STXBP5L: variants seen among roughly 807,000 people sequenced by gnomAD.
STXBP5L encodes syntaxin-binding protein 5-like.
STXBP5L carries 65 observed loss-of-function variants against 144.5 expected under a neutral mutation model. That is an observed-to-expected ratio of 0.45 (90% CI 0.37 to 0.55). The LOEUF (loss-of-function observed/expected upper bound fraction) is 0.55. STXBP5L is among the 20% of genes least tolerant of loss of function. STXBP5L has a pLI of 0.00. For missense variants in STXBP5L, 1,298 were observed against 1,405.5 expected, an observed-to-expected ratio of 0.92 and a Z score of 1.22; for synonymous variants, 505 against 469.6, an observed-to-expected ratio of 1.08 and a Z score of -0.97.
At chr3:121,157,437 G>T in intron 8 of STXBP5L, 67 bp from the exon 9 acceptor site, 1 of 1,426,790 alleles carries the variant, frequency 7.0e-7, no homozygotes, top group South Asian at 1.5e-5. Flanking sequence ...TTTTTCTTTG[G>T]AATATAGAAT....
intron 22 of STXBP5L, among the ~76,000 whole-genome samples, chr3:121,398,965 G>A (rs1043551204): frequency 6.6e-6 from 1 of 152,060 alleles, no homozygotes; most frequent in African/African-American, 2.4e-5. Context: ...AGACACTGGG[G>A]CAACTACTTT....
At chr3:121,196,012 A>G (rs879566696) in intron 9 of STXBP5L, among the ~76,000 whole-genome samples, 2 of 152,002 alleles carry the variant, frequency 1.3e-5, no homozygotes, top group Non-Finnish European at 2.9e-5. Context: ...CTTGTTCAAT[A>G]GTACTTTGGC....
chr3:121,157,742 G>T (rs1301959965), intron 9 of STXBP5L, 115 bp downstream of exon 9: 2 of 1,376,000 alleles, frequency 1.5e-6, no homozygotes, highest in Admixed American at 2.8e-5. Context: ...ATAGCTTCTG[G>T]TTCTAAACAT....
intron 20 of STXBP5L, among the ~76,000 whole-genome samples, chr3:121,350,719 A>G (rs959478150): frequency 1.3e-5 from 2 of 152,058 alleles, no homozygotes; most frequent in Non-Finnish European, 2.9e-5. Flanking sequence ...TTGATCTTCA[A>G]TCACTGATAC....
intron 13 of STXBP5L, among the ~76,000 whole-genome samples, chr3:121,239,697 G>A (rs1422416069): frequency 7.7e-6 from 1 of 130,232 alleles, no homozygotes; most frequent in African/African-American, 2.9e-5. Context: ...ATCACACTCT[G>A]GGGACTGTTG....
intron 19 of STXBP5L, among the ~76,000 whole-genome samples, chr3:121,284,950 A>G (rs1433518481): frequency 1.3e-5 from 2 of 152,244 alleles, no homozygotes; most frequent in South Asian, 4.1e-4. Context: ...ACTCAAAGGC[A>G]TATCCTACAA....
chr3:121,300,378 T>C (rs2051841509), intron 19 of STXBP5L, among the ~76,000 whole-genome samples: 1 of 152,164 alleles, frequency 6.6e-6, no homozygotes, highest in South Asian at 2.1e-4. Context: ...TGGGTAAATA[T>C]AAAAAGGTAT....
chr3:120,988,724 T>C (rs1298543145), intron 3 of STXBP5L, among the ~76,000 whole-genome samples: 1 of 152,082 alleles, frequency 6.6e-6, no homozygotes, highest in East Asian at 1.9e-4. Context: ...CATGAGCATA[T>C]TATGTAGTGG....
In STXBP5L at chr3:121,379,622, T is replaced by A. The variant is rs571750444; in HGVS notation, c.2347+736T>A. On this transcript the variant is annotated intron_variant, in intron 21 of 26. Transcript: ENST00000471454. ...ATATTGGTCTTCAAATTTAAAAAAA[T>A]TATATTTAAGTTTTTGGTTTTTTAA... 3.8e-4 allele frequency among the ~76,000 whole-genome samples: 58 copies of A among 152,278 alleles called. No homozygotes were observed. The South Asian group carries it at 0.011, about 28-fold the overall frequency.
At chr3:121,056,888 AT>A (rs1034661147) in intron 5 of STXBP5L, among the ~76,000 whole-genome samples, 6 of 151,418 alleles carry the variant, frequency 4.0e-5, no homozygotes, top group African/African-American at 7.3e-5. Flanking sequence ...AGAATATCAT[AT>A]TTTTTTGTTA....
In STXBP5L at chr3:121,424,586, G is replaced by A. The variant is rs1415520279; in HGVS notation, c.*5489G>A. On this transcript the variant is annotated 3_prime_UTR_variant, in exon 27 of 27. Transcript: ENST00000471454. Reference sequence around the variant, plus strand: ...TTAATTATGTGATGTTTTATTCTAGGAAATAAGAAACAGATGACATCATTG... The same window carrying A: ...TTAATTATGTGATGTTTTATTCTAGAAAATAAGAAACAGATGACATCATTG... 3 of 152,258 alleles carry A rather than the reference G, an allele frequency of 2.0e-5. No homozygotes were observed. The East Asian group carries it at 5.8e-4, about 29-fold the overall frequency. The allele number at this position is 152,258 out of a possible 1,614,324, so 9.4% of individuals were successfully genotyped here.
intron 7 of STXBP5L, among the ~76,000 whole-genome samples, chr3:121,131,937 G>A (rs2045008604): frequency 6.6e-6 from 1 of 152,184 alleles, no homozygotes; most frequent in Non-Finnish European, 1.5e-5. Context: ...AATTCAGGAT[G>A]CCCTCTTACC....
chr3:121,092,518 A>G (rs976215085), intron 5 of STXBP5L, among the ~76,000 whole-genome samples: 2 of 152,150 alleles, frequency 1.3e-5, no homozygotes, highest in East Asian at 3.9e-4. Context: ...TAGGTATTTT[A>G]TTCTCTTTGA....
intron 5 of STXBP5L, among the ~76,000 whole-genome samples, chr3:121,090,436 C>G (rs2042721590): frequency 6.6e-6 from 1 of 152,042 alleles, no homozygotes; most frequent in Admixed American, 6.6e-5. Context: ...TCTACTAACC[C>G]AATTCTCATT....
At chr3:121,170,818 G>A (rs907878487) in intron 9 of STXBP5L, among the ~76,000 whole-genome samples, 1 of 152,110 alleles carries the variant, frequency 6.6e-6, no homozygotes, top group African/African-American at 2.4e-5. Context: ...AGAAAAAGAG[G>A]GAATCCTCCC....
At chr3:120,981,408 TCTAA>T (rs1361592938) in intron 3 of STXBP5L, among the ~76,000 whole-genome samples, 2 of 152,146 alleles carry the variant, frequency 1.3e-5, no homozygotes, top group Non-Finnish European at 2.9e-5. Context: ...ATTTTTTTTG[TCTAA>T]CTGGGTTAAT....
chr3:121,091,621 G>A (rs1230638004), intron 5 of STXBP5L, among the ~76,000 whole-genome samples: 3 of 151,618 alleles, frequency 2.0e-5, no homozygotes, highest in Non-Finnish European at 4.4e-5. Context: ...CTTTTTGATG[G>A]GGTTGTTTTT....
At chr3:121,222,792 A>G (rs1224541934) in intron 10 of STXBP5L, among the ~76,000 whole-genome samples, 1 of 152,188 alleles carries the variant, frequency 6.6e-6, no homozygotes, top group Admixed American at 6.6e-5. Context: ...AGACTGGTCC[A>G]TTAGTAAATT....
At chr3:121,056,335 T>C (rs1948458118) in intron 5 of STXBP5L, among the ~76,000 whole-genome samples, 1 of 152,132 alleles carries the variant, frequency 6.6e-6, no homozygotes, top group Non-Finnish European at 1.5e-5. Context: ...TTGAGTGAAA[T>C]TCAAATGTAG....
Sources: allele counts gnomAD v4.1 joint callset (sites outside exome capture counted in the v4.1 genomes callset), GRCh38; gene constraint gnomAD v4.1.1; transcripts MANE v1.5; gene names NCBI Gene and HGNC (gene_info 2026-07-23, HGNC 2026-07-21).